Variants in NKAIN2 observed in about 807,000 individuals in gnomAD.
The protein encoded by NKAIN2 is sodium/potassium transporting ATPase interacting 2.
NKAIN2 carries 14 observed loss-of-function variants against 32.6 expected under a neutral mutation model. The observed-to-expected ratio is 0.43, with a 90% CI of 0.28 to 0.67. The LOEUF is 0.67. NKAIN2 is among the 30% of genes least tolerant of loss of function. The probability of loss-of-function intolerance (pLI) is 0.17; values close to 1 mark genes in which losing one functional copy is unlikely to be tolerated. For synonymous variants in NKAIN2, 80 were observed against 87.2 expected (o/e 0.92, Z 0.46); for missense variants, 198 against 258.3 (o/e 0.77, Z 1.60).
At chr6:124,132,546 G>A (rs571488324) in intron 1 of NKAIN2, among the ~76,000 whole-genome samples, 1 of 152,330 alleles carries the variant, frequency 6.6e-6, no homozygotes, top group South Asian at 2.1e-4. Context: ...CTGGTCCCGG[G>A]AAAGAGAAAA....
At chr6:124,120,644 G>A (rs143057521) in intron 1 of NKAIN2, among the ~76,000 whole-genome samples, 2 of 152,152 alleles carry the variant, frequency 1.3e-5, no homozygotes, top group Admixed American at 1.3e-4. Context: ...AGTAAGAGTT[G>A]GAAACATATG....
intron 4 of NKAIN2, among the ~76,000 whole-genome samples, chr6:124,709,709 G>A (rs373270463): frequency 3.7e-4 from 56 of 151,398 alleles, no homozygotes; most frequent in East Asian, 9.7e-4. Flanking sequence ...TTTTTATTGC[G>A]TCTATTTGAT....
At chr6:123,839,326 A>G (rs4897547) in intron 1 of NKAIN2, among the ~76,000 whole-genome samples, 14,560 of 152,060 alleles carry the variant, frequency 0.096, 775 homozygotes, top group Admixed American at 0.16. Context: ...AAAATACTGT[A>G]AAGTTATTTA....
At chr6:124,195,138 A>G (rs1427425136) in intron 1 of NKAIN2, among the ~76,000 whole-genome samples, 2 of 151,724 alleles carry the variant, frequency 1.3e-5, no homozygotes, top group African/African-American at 4.8e-5. Context: ...TACTTATTAT[A>G]TTCCTTTGAA....
chr6:124,054,927 T>C (rs1247847494), intron 1 of NKAIN2, among the ~76,000 whole-genome samples: 3 of 152,064 alleles, frequency 2.0e-5, no homozygotes, highest in South Asian at 4.1e-4. Flanking sequence ...ACTTATATAA[T>C]GACCAAAGAA....
intron 3 of NKAIN2, among the ~76,000 whole-genome samples, chr6:124,480,586 GTATTATTATTAT>G (rs60818370): frequency 4.0e-5 from 6 of 149,348 alleles, no homozygotes; most frequent in South Asian, 2.1e-4. Context: ...AGATGTTGAG[GTATTATTATTAT>G]TATTATTATT....
chr6:123,974,727 G>A (rs1004268089), intron 1 of NKAIN2, among the ~76,000 whole-genome samples: 12 of 152,118 alleles, frequency 7.9e-5, no homozygotes, highest in African/African-American at 2.2e-4. Flanking sequence ...GAGATCGAGC[G>A]TGTCAACGGG....
At chr6:123,982,806 A>G (rs1329006735) in intron 1 of NKAIN2, among the ~76,000 whole-genome samples, 3 of 152,190 alleles carry the variant, frequency 2.0e-5, no homozygotes, top group South Asian at 2.1e-4. Context: ...GGATATTGCA[A>G]TAATCTAATA....
chr6:124,045,198 C>G (rs1782059923), intron 1 of NKAIN2, among the ~76,000 whole-genome samples: 1 of 151,636 alleles, frequency 6.6e-6, no homozygotes. Flanking sequence ...ATATAGAATG[C>G]ATCAAAACCA....
At chr6:124,815,656 ACAATGTAGAAGACAAAAGAGG>A (rs71710984) in intron 5 of NKAIN2, among the ~76,000 whole-genome samples, 4,081 of 152,222 alleles carry the variant, frequency 0.027, 91 homozygotes, top group South Asian at 0.043. Context: ...TAGCTAAGGT[ACAATGTAGAAGACAAAAGAGG>A]CAATGTAGAA....
At chr6:124,083,792 A>AC (rs35786679) in intron 1 of NKAIN2, among the ~76,000 whole-genome samples, 46,523 of 151,804 alleles carry the variant, frequency 0.31, 7,806 homozygotes, top group African/African-American at 0.43. Flanking sequence ...CTGCAACAAT[A>AC]CTAGGTCCCT....
chr6:124,804,317 T>A (rs1582552256), intron 5 of NKAIN2: 1 of 158,648 alleles, frequency 6.3e-6, no homozygotes, highest in Non-Finnish European at 1.4e-5. Context: ...AGAACAACAA[T>A]ACAAAATAGT....
At chr6:124,457,363 AAGT>A (rs1482381868) in intron 3 of NKAIN2, among the ~76,000 whole-genome samples, 1 of 151,958 alleles carries the variant, frequency 6.6e-6, no homozygotes, top group African/African-American at 2.4e-5. Flanking sequence ...CTGAAAGCTA[AAGT>A]AGTGGTATGT....
chr6:124,249,121 C>A (rs1016146679), intron 1 of NKAIN2, among the ~76,000 whole-genome samples: 3 of 152,084 alleles, frequency 2.0e-5, no homozygotes, highest in Non-Finnish European at 2.9e-5. Flanking sequence ...AAATGCAGAG[C>A]CTACTGCTAC....
At chr6:123,813,278 T>G (rs1262326583) in intron 1 of NKAIN2, among the ~76,000 whole-genome samples, 1 of 152,194 alleles carries the variant, frequency 6.6e-6, no homozygotes, top group African/African-American at 2.4e-5. Flanking sequence ...TAATGGCACC[T>G]GCAGTGGTGG....
At chr6:123,812,416 A>G (rs1773514144) in intron 1 of NKAIN2, among the ~76,000 whole-genome samples, 1 of 152,226 alleles carries the variant, frequency 6.6e-6, no homozygotes, top group East Asian at 1.9e-4. Flanking sequence ...ATTAAAACAA[A>G]TGAATAGAAA....
chr6:123,948,704 G>A (rs1777189807), intron 1 of NKAIN2, among the ~76,000 whole-genome samples: 1 of 135,244 alleles, frequency 7.4e-6, no homozygotes, highest in Non-Finnish European at 1.5e-5. Flanking sequence ...TTCTCCCATT[G>A]AGCAGATTTT....
intron 3 of NKAIN2, 65 bp downstream of exon 3, chr6:124,355,412 C>T (rs1798925581): frequency 1.1e-6 from 1 of 879,706 alleles, no homozygotes; most frequent in Non-Finnish European, 1.9e-6. Flanking sequence ...CTAAGTAAGG[C>T]AGAGTCTCAT....
chr6:124,130,768 A>T (rs557021684), intron 1 of NKAIN2, among the ~76,000 whole-genome samples: 1 of 152,168 alleles, frequency 6.6e-6, no homozygotes, highest in African/African-American at 2.4e-5. Flanking sequence ...AATTGTGTTT[A>T]TGTAAAAATG....
Sources: gnomAD v4.1 joint callset for allele counts (sites outside exome capture counted in the v4.1 genomes callset) on GRCh38, gnomAD v4.1.1 for gene constraint, MANE v1.5 for transcripts, NCBI Gene and HGNC (gene_info 2026-07-23, HGNC 2026-07-21) for gene names.